The following SUZ12 variants were observed in gnomAD, a reference collection of about 807,000 sequenced individuals.
The protein encoded by SUZ12 is polycomb protein SUZ12.
SUZ12 carries 17 observed loss-of-function variants against 87.3 expected under a neutral mutation model. The observed-to-expected ratio is 0.19, with a 90% CI of 0.13 to 0.29. SUZ12 has a LOEUF of 0.29. Among genes scored for constraint, SUZ12 ranks in the 10% least tolerant of loss-of-function variants. The probability of loss-of-function intolerance (pLI) is 1.00; values close to 1 mark genes in which losing one functional copy is unlikely to be tolerated. For synonymous variants in SUZ12, 253 were observed against 312.4 expected, an observed-to-expected ratio of 0.81 and a Z score of 2.01; for missense variants, 526 against 912.2, an observed-to-expected ratio of 0.58 and a Z score of 5.45.
At chr17:31,996,417 C>A (rs1424643584) in intron 14 of SUZ12, among the ~76,000 whole-genome samples, 2 of 152,090 alleles carry the variant, frequency 1.3e-5, no homozygotes, top group Non-Finnish European at 2.9e-5. Context: ...GAGTTTGAGA[C>A]CAGCCTGGCC....
chr17:31,982,211 G>A (rs1041671520), intron 8 of SUZ12, among the ~76,000 whole-genome samples: 2 of 152,120 alleles, frequency 1.3e-5, no homozygotes, highest in African/African-American at 2.4e-5. Flanking sequence ...CCAGAATTCC[G>A]TAGTTACCAG....
intron 4 of SUZ12, among the ~76,000 whole-genome samples, chr17:31,959,217 C>T (rs1328152861): frequency 2.6e-5 from 4 of 152,098 alleles, no homozygotes; most frequent in Non-Finnish European, 4.4e-5. Flanking sequence ...CTATACATTT[C>T]TTTTTGCATA....
At position 31,998,787 on chromosome 17, in the gene SUZ12, T is replaced by A; in HGVS notation, c.2004T>A (p.Leu668=). The change falls in exon 16 of 16, where the codon CTT becomes CTA. Residue 668 remains leucine (L), a synonymous_variant. Transcript: ENST00000322652. ...LHLVSMHDFN[L]ISIMSIDKAV... is the part of the protein sequence containing the mutation. ...TAGTCAGCATGCATGACTTTAATCT[T>A]ATTAGCATAATGTCAATAGATAAAG... 1 of 1,613,162 alleles carries A rather than the reference T, an allele frequency of 6.2e-7. No homozygotes were observed. The highest frequency in any genetic ancestry group is 8.5e-7 in the Non-Finnish European group (1 of 1,179,462).
At chr17:31,954,669 G>A (rs1837673432) in intron 4 of SUZ12, among the ~76,000 whole-genome samples, 1 of 152,130 alleles carries the variant, frequency 6.6e-6, no homozygotes, top group Non-Finnish European at 1.5e-5. Flanking sequence ...GTATAAAACA[G>A]GAGAACCAGC....
intron 4 of SUZ12, among the ~76,000 whole-genome samples, chr17:31,964,739 C>G (rs1907987192): frequency 6.6e-6 from 1 of 152,096 alleles, no homozygotes; most frequent in Non-Finnish European, 1.5e-5. Flanking sequence ...GTTTCATGGC[C>G]TACTTCACTA....
At chr17:31,939,574 A>G (rs1283190793) in intron 1 of SUZ12, among the ~76,000 whole-genome samples, 1 of 149,378 alleles carries the variant, frequency 6.7e-6, no homozygotes, top group Non-Finnish European at 1.5e-5. Context: ...CCCAGGCTGG[A>G]GTACAATGAC....
At chr17:31,979,565 A>T (rs1314600244) in intron 8 of SUZ12, among the ~76,000 whole-genome samples, 2 of 152,160 alleles carry the variant, frequency 1.3e-5, no homozygotes, top group Non-Finnish European at 2.9e-5. Flanking sequence ...TGCAGAATGT[A>T]TCTCAATTAG....
In SUZ12 at chr17:31,942,429, G is replaced by A. The variant is rs112630057; in HGVS notation, c.386+1943G>A. On this transcript the variant is annotated intron_variant, in intron 3 of 15. Coordinates refer to ENST00000322652, the MANE Select transcript of SUZ12 (RefSeq NM_015355.4). The stretch of plus-strand genomic sequence containing the variant: ...TGGCTCACTGCAACCTCCACCTCGC[G>A]GGTTCAAGGGATTATCCTGTCTCAG... Among the ~76,000 whole-genome samples the A allele has an allele frequency of 7.3e-3, 1,107 of 151,916 alleles. 12 individuals carry two copies. Among genetic ancestry groups the A allele is most frequent in the African/African-American group, 0.025 (1,051 of 41,418 alleles).
chr17:31,971,067 C>A (rs1049922695), intron 5 of SUZ12, among the ~76,000 whole-genome samples: 2 of 152,006 alleles, frequency 1.3e-5, no homozygotes, highest in African/African-American at 4.8e-5. Flanking sequence ...AAAATTAACA[C>A]CCCTAAATTT....
At chr17:31,993,153 A>G (rs1909808337) in intron 10 of SUZ12, 89 bp from the exon 11 acceptor site, 1 of 769,428 alleles carries the variant, frequency 1.3e-6, no homozygotes, top group Admixed American at 3.5e-5. Context: ...ATTCTGTGAA[A>G]CCTTTAATAT....
At chr17:31,978,979 G>A (rs1293774942) in intron 8 of SUZ12, among the ~76,000 whole-genome samples, 3 of 151,802 alleles carry the variant, frequency 2.0e-5, no homozygotes, top group Admixed American at 1.3e-4. Context: ...GGTGGTGCGT[G>A]CCTGTAGTCC....
At chr17:31,985,781 G>T (rs529443988) in intron 9 of SUZ12, among the ~76,000 whole-genome samples, 1 of 151,884 alleles carries the variant, frequency 6.6e-6, no homozygotes, top group South Asian at 2.1e-4. Context: ...TCCAGCCTCA[G>T]CCTCCTGAGT....
At chr17:31,952,557 T>C (rs1311173917) in intron 4 of SUZ12, among the ~76,000 whole-genome samples, 2 of 152,178 alleles carry the variant, frequency 1.3e-5, no homozygotes, top group Non-Finnish European at 1.5e-5. Context: ...TTTGGAATTA[T>C]CTTTTTTTTG....
intron 14 of SUZ12, 71 bp from the exon 15 acceptor site, chr17:31,996,727 C>A: frequency 9.4e-7 from 1 of 1,059,586 alleles, no homozygotes; most frequent in Non-Finnish European, 1.3e-6. Context: ...CCAAAACATT[C>A]TGTTTTTGAC....
chr17:31,961,580 T>C (rs1425770199), intron 4 of SUZ12, among the ~76,000 whole-genome samples: 5 of 152,200 alleles, frequency 3.3e-5, no homozygotes, highest in Non-Finnish European at 5.9e-5. Flanking sequence ...TTATACAGGC[T>C]ATCCTATGTA....
At position 31,982,921 on chromosome 17, in the gene SUZ12, A is replaced by G. The variant is rs957073889; in HGVS notation, c.918-78A>G. The G allele has an allele frequency of 8.5e-6, 12 of 1,409,978 alleles. No individual in the cohort carries two copies. The African/African-American group carries it at 1.0e-4, about 12-fold the overall frequency. The allele number at this position is 1,409,978 out of a possible 1,614,324, so 87.3% of individuals were successfully genotyped here. On this transcript the variant is annotated intron_variant, in intron 8 of 15. Transcript: ENST00000322652. The stretch of plus-strand genomic sequence containing the variant: ...TATAAATTTAATAAATGGTTTTAGT[A>G]TAAATCTAAAGATGTAGAATTTGTG...
At chr17:31,984,684 TAAAAA>T (rs1187029710) in intron 9 of SUZ12, among the ~76,000 whole-genome samples, 1 of 152,118 alleles carries the variant, frequency 6.6e-6, no homozygotes, top group Non-Finnish European at 1.5e-5. Flanking sequence ...ACGCAGTTCT[TAAAAA>T]AACAAATATA....
chr17:31,968,055 A>C (rs1182681893), intron 5 of SUZ12, among the ~76,000 whole-genome samples: 1 of 152,170 alleles, frequency 6.6e-6, no homozygotes, highest in Non-Finnish European at 1.5e-5. Context: ...CTGTAGTCTC[A>C]GCTACTCAGG....
intron 3 of SUZ12, among the ~76,000 whole-genome samples, chr17:31,941,920 T>C (rs1440048283): frequency 1.3e-5 from 2 of 151,882 alleles, no homozygotes; most frequent in Non-Finnish European, 2.9e-5. Flanking sequence ...TGGTGCGATA[T>C]CGGCTCACTG....
Sources: gnomAD v4.1 joint callset for allele counts (sites outside exome capture counted in the v4.1 genomes callset) on GRCh38, gnomAD v4.1.1 for gene constraint, MANE v1.5 for transcripts, NCBI Gene and HGNC (gene_info 2026-07-23, HGNC 2026-07-21) for gene names.